ENTPD6: variants seen among roughly 807,000 people sequenced by gnomAD.
ENTPD6 encodes CD39 antigen-like 2.
In ENTPD6, 46 loss-of-function variants were observed where a neutral mutation model predicts 61.5. The observed-to-expected ratio is 0.75, with a 90% CI of 0.59 to 0.96. The LOEUF is 0.96. Ranked by LOEUF, ENTPD6 falls within the 40% of genes least tolerant of loss-of-function variation. ENTPD6 has a pLI of 0.00. For synonymous variants in ENTPD6, 252 were observed against 255.5 expected, an observed-to-expected ratio of 0.99 and a Z score of 0.13; for missense variants, 612 against 629.0, an observed-to-expected ratio of 0.97 and a Z score of 0.29.
chr20:25,215,716 G>A lies in ENTPD6; in HGVS notation c.709+5G>A. ...TCACCATCAACTTCCTGACAGGTGT[G>A]TGCACACTGCATCACAGAGGCTAGC... On this transcript the variant is annotated splice_donor_5th_base_variant and intron_variant, in intron 7 of 14. Transcript: ENST00000376652. 2 of 1,614,168 alleles carry A rather than the reference G, an allele frequency of 1.2e-6. No homozygotes were observed. Among genetic ancestry groups the A allele is most frequent in the Non-Finnish European group, 1.7e-6 (2 of 1,179,988 alleles).
intron 13 of ENTPD6, chr20:25,224,980 G>A: frequency 1.6e-6 from 1 of 608,744 alleles, no homozygotes; most frequent in Non-Finnish European, 2.9e-6. Context: ...CCTAACACCA[G>A]GCGTGCAAAT....
At chr20:25,211,663 G>T (rs1001876729) in intron 4 of ENTPD6, among the ~76,000 whole-genome samples, 3 of 152,218 alleles carry the variant, frequency 2.0e-5, no homozygotes, top group Admixed American at 6.5e-5. Context: ...TTATTGCATG[G>T]ATGCTGCACA....
At chr20:25,223,035 G>GGGGGGGC in intron 12 of ENTPD6, 57 bp downstream of exon 12, 99 of 1,109,438 alleles carry the variant, frequency 8.9e-5, no homozygotes, top group Non-Finnish European at 1.2e-4. Flanking sequence ...GGCGGGGGTG[G>GGGGGGGC]AGGGCGTGTG....
At position 25,217,658 on chromosome 20, in the gene ENTPD6, G is replaced by A. The variant is rs1047041953; in HGVS notation, c.878+77G>A. ...TCCCAGGGCCTCGCATGGCCCTCTT[G>A]AGGTCATGGATGGCAGATCTGGGAA... is the stretch of plus-strand genomic sequence containing the variant. On this transcript the variant is annotated intron_variant, in intron 9 of 14. Transcript: ENST00000376652. 8 of 1,248,186 alleles carry A rather than the reference G, an allele frequency of 6.4e-6. No homozygotes were observed. In the African/African-American group the frequency reaches 8.9e-5, roughly 14 times the overall value. 77.3% of individuals were successfully genotyped at this position (1,248,186 alleles called of 1,614,324 possible).
At chr20:25,209,796 G>A in intron 3 of ENTPD6, 53 bp from the exon 4 acceptor site, 1 of 1,466,526 alleles carries the variant, frequency 6.8e-7, no homozygotes, top group Non-Finnish European at 9.6e-7. Flanking sequence ...GATTGTATGT[G>A]TTCTCCTGTG....
intron 1 of ENTPD6, chr20:25,196,179 T>A (rs2090380495): frequency 6.6e-6 from 8 of 1,204,806 alleles, no homozygotes; most frequent in African/African-American, 1.6e-5. Context: ...CCGCCCCCAG[T>A]CTGCGTCAGG....
chr20:25,222,826 G>A lies in ENTPD6; in HGVS notation c.1046-12G>A. 6.2e-7 allele frequency: 1 copy of A among 1,613,342 alleles called. No individual in the cohort carries two copies. The highest frequency in any genetic ancestry group is 2.2e-5 in the East Asian group (1 of 44,880). ...GGAGCCCACTGACCGCTAGCCTTGT[G>A]CTTGTCCCCAGCGGCAAGCCTGCAC... On this transcript the variant is annotated splice_polypyrimidine_tract_variant and intron_variant, in intron 11 of 14. Transcript: ENST00000376652.
chr20:25,216,533 T>G, intron 7 of ENTPD6, 115 bp from the exon 8 acceptor site: 7 of 697,162 alleles, frequency 1.0e-5, no homozygotes, highest in African/African-American at 1.8e-5. Context: ...TGTCAATAGC[T>G]GAGCTACTTC....
intron 7 of ENTPD6, 75 bp from the exon 8 acceptor site, chr20:25,216,573 C>G: frequency 9.0e-7 from 1 of 1,114,868 alleles, no homozygotes; most frequent in Non-Finnish European, 1.3e-6. Context: ...GAGGGCCTGG[C>G]TTTCACCCTG....
intron 11 of ENTPD6, 46 bp downstream of exon 11, chr20:25,221,379 T>A: frequency 7.1e-7 from 1 of 1,414,590 alleles, no homozygotes; most frequent in Non-Finnish European, 1.0e-6. Context: ...GTGAGAGTGG[T>A]GGCCTCCTCT....
rs567714530 is a variant in ENTPD6 at position 25,225,879 on chromosome 20, G to T, written c.*282G>T. On this transcript the variant is annotated 3_prime_UTR_variant, in exon 15 of 15. Transcript: ENST00000376652. ...GACAGAACCACAGGCACACACTGAG[G>T]GGGCAGTGTGGCTCCCTGCCTGTCC... is the stretch of plus-strand genomic sequence containing the variant. 5.6e-6 allele frequency: 2 copies of T among 354,378 alleles called. No individual in the cohort carries two copies. The highest frequency in any genetic ancestry group is 1.0e-4 in the East Asian group (2 of 19,770). 22.0% of individuals were successfully genotyped at this position (354,378 alleles called of 1,614,324 possible). A position where few individuals can be genotyped will look rare whatever the true frequency, so the allele number is the denominator to read the frequency against.
At position 25,207,276 on chromosome 20, in the gene ENTPD6, G is replaced by A; in HGVS notation, c.255G>A (p.Gln85=). The A allele has an allele frequency of 6.2e-7, 1 of 1,613,206 alleles. No individual in the cohort carries two copies. Among genetic ancestry groups the A allele is most frequent in the Non-Finnish European group, 8.5e-7 (1 of 1,179,468 alleles). ...TRAAPGARWG[Q]QAHSPLGTAA... ...CAGCCCCGGGGGCCCGGTGGGGTCA[G>A]CAGGCCCACAGCCCCCTGGGGACAG... Residue 85 remains glutamine, a synonymous_variant, in exon 3 of 15, where the codon CAG becomes CAA. Coordinates refer to ENST00000376652, the MANE Select transcript of ENTPD6 (RefSeq NM_001247.5).
At chr20:25,209,649 C>T (rs1381801637) in intron 3 of ENTPD6, among the ~76,000 whole-genome samples, 200 bp from the exon 4 acceptor site, 1 of 151,718 alleles carries the variant, frequency 6.6e-6, no homozygotes, top group Non-Finnish European at 1.5e-5. Flanking sequence ...AATGTTCTGG[C>T]CAAGACATTA....
intron 1 of ENTPD6, 165 bp downstream of exon 1, chr20:25,196,032 TG>T (rs2090357540): frequency 1.2e-6 from 1 of 841,274 alleles, no homozygotes; most frequent in Non-Finnish European, 1.6e-6. Context: ...TAGGGCTCCC[TG>T]GATGTCTGGG....
chr20:25,222,991 G>A lies in ENTPD6; in HGVS notation c.1186+13G>A, dbSNP rs11906892. 15,325 of 1,610,838 alleles carry A rather than the reference G, an allele frequency of 9.5e-3. 1,249 individuals are homozygous for A. In the African/African-American group the frequency reaches 0.18, roughly 19 times the overall value. On this transcript the variant is annotated intron_variant, in intron 12 of 14. Transcript: ENST00000376652. ...GTGGGCCTCATAGGTAAGGGGGCCCGGATGGGCTGAGCAGGAAGGTCGGGG... is the reference window on the plus strand; with the variant it reads ...GTGGGCCTCATAGGTAAGGGGGCCCAGATGGGCTGAGCAGGAAGGTCGGGG...
At chr20:25,213,503 G>C in intron 5 of ENTPD6, 97 bp downstream of exon 5, 1 of 1,290,270 alleles carries the variant, frequency 7.8e-7, no homozygotes, top group Non-Finnish European at 1.1e-6. Context: ...CCATCAGGCA[G>C]GACACAGATG....
chr20:25,225,287 G>T lies in ENTPD6; in HGVS notation c.1326G>T (p.Glu442Asp). ...DLTYVSLLLQ[E>D]FGFPRSKVLK... is the part of the protein sequence containing the mutation. ...CCTACGTCAGCCTGCTACTCCAGGAGTTCGGCTTTCCCAGGAGCAAAGTGC... is the reference window on the plus strand; with the variant it reads ...CCTACGTCAGCCTGCTACTCCAGGATTTCGGCTTTCCCAGGAGCAAAGTGC... Residue 442 changes from glutamate (E) to aspartate (D), a missense_variant, in exon 14 of 15, where the codon GAG (glutamate) becomes GAT (aspartate). By Grantham distance (45) the Glu-to-Asp change is conservative (BLOSUM62 2). Transcript: ENST00000376652. 1.2e-6 allele frequency: 2 copies of T among 1,613,390 alleles called. No homozygotes were observed. The highest frequency in any genetic ancestry group is 1.7e-6 in the Non-Finnish European group (2 of 1,179,962).
chr20:25,221,431 G>T, intron 11 of ENTPD6, 98 bp downstream of exon 11: 1 of 903,098 alleles, frequency 1.1e-6, no homozygotes, highest in Non-Finnish European at 1.8e-6. Flanking sequence ...TTCCACGGGA[G>T]GCTCCTGACC....
At position 25,227,202 on chromosome 20, in the gene ENTPD6, A is replaced by T. The variant is rs1044491654; in HGVS notation, c.*1605A>T. ...CCTCCCAGGGCTGCAGCGAATGCTG[A>T]TGGAGCCACGTGGTGGAGGCCTGCA... On this transcript the variant is annotated 3_prime_UTR_variant, in exon 15 of 15. Coordinates refer to ENST00000376652, the MANE Select transcript of ENTPD6 (RefSeq NM_001247.5). Among the ~76,000 whole-genome samples the T allele has an allele frequency of 2.6e-5, 4 of 152,228 alleles. No homozygotes were observed. The highest frequency in any genetic ancestry group is 5.9e-5 in the Non-Finnish European group (4 of 68,038).
Sources: gnomAD v4.1 joint callset for allele counts (sites outside exome capture counted in the v4.1 genomes callset) on GRCh38, gnomAD v4.1.1 for gene constraint, MANE v1.5 for transcripts, NCBI Gene and HGNC (gene_info 2026-07-23, HGNC 2026-07-21) for gene names.